Variants in ABLIM1 observed in about 807,000 individuals in gnomAD.
ABLIM1 encodes the protein actin-binding LIM protein 1.
ABLIM1 carries 40 observed loss-of-function variants against 107.0 expected under a neutral mutation model. The ratio of observed to expected loss-of-function variants is 0.37; its 90% confidence interval spans 0.29 to 0.49. The LOEUF is 0.49. Among genes scored for constraint, ABLIM1 ranks in the 20% least tolerant of loss-of-function variants. The pLI, the probability that ABLIM1 is intolerant of heterozygous loss-of-function variation, is 0.97. For synonymous variants in ABLIM1, 357 were observed against 357.3 expected (o/e 1.00, Z 0.01); for missense variants, 857 against 1,008.5 (o/e 0.85, Z 2.04).
intron 6 of ABLIM1, among the ~76,000 whole-genome samples, chr10:114,536,248 T>C (rs1254273637): frequency 1.1e-5 from 1 of 91,748 alleles, no homozygotes. Context: ...TTTTTTTTTT[T>C]TTTTTTTTTT....
intron 1 of ABLIM1, among the ~76,000 whole-genome samples, chr10:114,640,309 C>T (rs1257425239): frequency 6.6e-6 from 1 of 152,200 alleles, no homozygotes; most frequent in African/African-American, 2.4e-5. Context: ...GGAGGATCAT[C>T]TGAGGCCAGG....
chr10:114,692,803 T>C (rs1471878584), intron 1 of ABLIM1, among the ~76,000 whole-genome samples: 1 of 152,108 alleles, frequency 6.6e-6, no homozygotes, highest in African/African-American at 2.4e-5. Flanking sequence ...GGCAGGAGAA[T>C]TGCTTGAACC....
intron 6 of ABLIM1, among the ~76,000 whole-genome samples, chr10:114,536,530 G>C (rs1179097776): frequency 1.3e-5 from 2 of 152,098 alleles, no homozygotes; most frequent in Non-Finnish European, 2.9e-5. Flanking sequence ...TTACAGGCGT[G>C]AGCCACCGCA....
intron 1 of ABLIM1, among the ~76,000 whole-genome samples, chr10:114,719,458 A>G (rs556019050): frequency 9.2e-5 from 14 of 152,234 alleles, no homozygotes; most frequent in African/African-American, 3.4e-4. Flanking sequence ...CTTACACTTC[A>G]CCACATTTCC....
At chr10:114,514,312 A>T (rs952481677) in intron 6 of ABLIM1, among the ~76,000 whole-genome samples, 7 of 152,084 alleles carry the variant, frequency 4.6e-5, no homozygotes, top group South Asian at 2.1e-4. Flanking sequence ...AAAAAAAAAA[A>T]AATAAAGTGA....
At chr10:114,470,527 G>T (rs1230478534) in intron 10 of ABLIM1, among the ~76,000 whole-genome samples, 5 of 151,824 alleles carry the variant, frequency 3.3e-5, no homozygotes, top group African/African-American at 1.2e-4. Context: ...ATTTCTCTCA[G>T]TTGCAAGATG....
At chr10:114,778,616 C>CACACA in the ABLIM1 span, 118 of 145,866 alleles carry the variant, frequency 8.1e-4, 2 homozygotes, top group African/African-American at 3.0e-3. Flanking sequence ...CACACACATA[C>CACACA]ATTTTAACAA....
At chr10:114,502,259 T>C in intron 6 of ABLIM1, 1 of 171,528 alleles carries the variant, frequency 5.8e-6, no homozygotes, top group South Asian at 1.5e-4. Flanking sequence ...GACCTGAGGA[T>C]GTGGTGTTGA....
chr10:114,682,972 C>T (rs2080809776), intron 1 of ABLIM1, among the ~76,000 whole-genome samples: 1 of 152,182 alleles, frequency 6.6e-6, no homozygotes, highest in Non-Finnish European at 1.5e-5. Flanking sequence ...ATAAAGACAT[C>T]TAGACATCTT....
In ABLIM1 at chr10:114,674,663, AGAGT is replaced by A. The variant is rs1204335134; in HGVS notation, c.64+9623_64+9626del. Among the ~76,000 whole-genome samples, 9 of 152,224 alleles carry A rather than the reference AGAGT, an allele frequency of 5.9e-5. 1 individual carries two copies. In the East Asian group the frequency reaches 1.4e-3, roughly 23 times the overall value. On this transcript the variant is annotated intron_variant, in intron 1 of 23. Transcript: ENST00000369256. ...AAAGACATAGCACAGTGCCTGCCAC[AGAGT>A]GAGGACTCAAAAGATCTGAGCTATC... is the stretch of plus-strand genomic sequence containing the variant.
At chr10:114,611,711 A>T (rs1039789275) in intron 1 of ABLIM1, among the ~76,000 whole-genome samples, 6 of 152,156 alleles carry the variant, frequency 3.9e-5, no homozygotes, top group African/African-American at 1.4e-4. Flanking sequence ...CACTTGGCGC[A>T]CTTGCCCTGA....
chr10:114,688,096 A>G (rs1178555310), upstream of ABLIM1, among the ~76,000 whole-genome samples: 1 of 152,156 alleles, frequency 6.6e-6, no homozygotes, highest in African/African-American at 2.4e-5. Context: ...TCCCAACCTA[A>G]TAAAAGGAGT....
At chr10:114,557,207 C>T (rs144913081) in intron 4 of ABLIM1, among the ~76,000 whole-genome samples, 4 of 152,282 alleles carry the variant, frequency 2.6e-5, no homozygotes, top group African/African-American at 9.6e-5. Context: ...TTGAACTAGA[C>T]CGTGCATAAT....
intron 1 of ABLIM1, among the ~76,000 whole-genome samples, chr10:114,712,403 C>T (rs1437989148): frequency 1.4e-5 from 2 of 144,430 alleles, no homozygotes; most frequent in Non-Finnish European, 3.0e-5. Flanking sequence ...AATTAAAAGC[C>T]ATAGTAGTTC....
At chr10:114,524,479 CGAAAA>C (rs1565812978) in intron 6 of ABLIM1, among the ~76,000 whole-genome samples, 1 of 150,650 alleles carries the variant, frequency 6.6e-6, no homozygotes, top group Non-Finnish European at 1.5e-5. Flanking sequence ...GTACAGATGG[CGAAAA>C]GAAAAAAGAA....
At chr10:114,602,048 A>G in intron 1 of ABLIM1, 87 bp from the exon 2 acceptor site, 1 of 1,544,422 alleles carries the variant, frequency 6.5e-7, no homozygotes, top group Non-Finnish European at 8.9e-7. Context: ...TTTTGGTGTC[A>G]AATGAGCCAC....
chr10:114,703,655 T>C (rs902307468), intron 1 of ABLIM1, among the ~76,000 whole-genome samples: 3 of 152,238 alleles, frequency 2.0e-5, no homozygotes, highest in Non-Finnish European at 2.9e-5. Flanking sequence ...CATTCAGTCA[T>C]CTTCAACGCC....
intron 15 of ABLIM1, among the ~76,000 whole-genome samples, chr10:114,446,355 T>C (rs1054516109): frequency 1.3e-5 from 2 of 152,216 alleles, no homozygotes; most frequent in African/African-American, 4.8e-5. Context: ...AAAGCATTAA[T>C]ACAGGTACAA....
At position 114,571,279 on chromosome 10, in the gene ABLIM1, G is replaced by A; in HGVS notation, c.673+18C>T. On this transcript the variant is annotated intron_variant, in intron 4 of 22. Transcript: ENST00000533213. ...GACTACATAGGTATTCACGTCAGTGGGTCACCGGGGCACTTACTGCTGGAG... is the reference window on the plus strand; with the variant it reads ...GACTACATAGGTATTCACGTCAGTGAGTCACCGGGGCACTTACTGCTGGAG... 1 of 1,611,826 alleles carries A rather than the reference G, an allele frequency of 6.2e-7. No homozygotes were observed. Among genetic ancestry groups the A allele is most frequent in the Non-Finnish European group, 8.5e-7 (1 of 1,177,882 alleles).
Sources: allele counts gnomAD v4.1 joint callset (sites outside exome capture counted in the v4.1 genomes callset), GRCh38; gene constraint gnomAD v4.1.1; transcripts MANE v1.5; gene names NCBI Gene and HGNC (gene_info 2026-07-23, HGNC 2026-07-21).